The following PDLIM5 variants were observed in gnomAD, a reference collection of about 807,000 sequenced individuals.
The protein encoded by PDLIM5 is PDZ and LIM domain 5, also known as PDZ and LIM domain protein 5.
A neutral mutation model predicts 64.2 loss-of-function variants in PDLIM5; 34 were observed. The observed-to-expected ratio is 0.53, with a 90% confidence interval of 0.40 to 0.71. The LOEUF (loss-of-function observed/expected upper bound fraction) is 0.71, where lower values mean the gene tolerates loss of function less well. PDLIM5 is among the 30% of genes least tolerant of loss of function. The probability of loss-of-function intolerance (pLI) is 0.00; values close to 1 mark genes in which losing one functional copy is unlikely to be tolerated. For synonymous variants in PDLIM5, 253 were observed against 269.1 expected (o/e 0.94, Z 0.59); for missense variants, 683 against 733.6 (o/e 0.93, Z 0.80).
chr4:94,629,642 T>C (rs1027412004), intron 8 of PDLIM5, among the ~76,000 whole-genome samples: 2 of 152,210 alleles, frequency 1.3e-5, no homozygotes, highest in Admixed American at 1.3e-4. Flanking sequence ...TCTGCGTTCT[T>C]AAAGTTGAAA....
chr4:94,510,936 T>G (rs1203059425), intron 2 of PDLIM5, among the ~76,000 whole-genome samples: 1 of 152,212 alleles, frequency 6.6e-6, no homozygotes, highest in Non-Finnish European at 1.5e-5. Context: ...TGGAGAAGAA[T>G]ACAAATTTGT....
At chr4:94,593,046 A>G (rs2110333353) in intron 7 of PDLIM5, among the ~76,000 whole-genome samples, 1 of 152,104 alleles carries the variant, frequency 6.6e-6, no homozygotes, top group Non-Finnish European at 1.5e-5. Context: ...CTCATTTGAC[A>G]CTTGATTTTC....
chr4:94,494,642 G>A (rs1727208681), intron 2 of PDLIM5, among the ~76,000 whole-genome samples: 2 of 150,026 alleles, frequency 1.3e-5, no homozygotes, highest in East Asian at 2.0e-4. Flanking sequence ...GTTTTACCAT[G>A]TTGGCTAGGC....
chr4:94,553,331 A>G (rs1284487063), intron 3 of PDLIM5, among the ~76,000 whole-genome samples: 1 of 151,784 alleles, frequency 6.6e-6, no homozygotes, highest in Non-Finnish European at 1.5e-5. Flanking sequence ...CTGGTCTCGA[A>G]CTCCTGACCT....
chr4:94,659,591 A>G (rs987889087), intron 11 of PDLIM5, among the ~76,000 whole-genome samples: 5 of 148,660 alleles, frequency 3.4e-5, no homozygotes, highest in Admixed American at 2.7e-4. Flanking sequence ...GCAGTGGCGC[A>G]ATCTTGGCTC....
intron 3 of PDLIM5, among the ~76,000 whole-genome samples, chr4:94,552,123 A>G (rs1056699333): frequency 6.6e-6 from 1 of 151,854 alleles, no homozygotes; most frequent in East Asian, 1.9e-4. Flanking sequence ...CTGTGGATAT[A>G]TATACAAGTT....
intron 10 of PDLIM5, among the ~76,000 whole-genome samples, chr4:94,655,194 A>T (rs543707620): frequency 9.2e-5 from 14 of 152,134 alleles, no homozygotes; most frequent in African/African-American, 1.2e-4. Context: ...TGGAAAAATA[A>T]TTTTTTTTCC....
chr4:94,587,893 A>G (rs1736367681), intron 7 of PDLIM5: 1 of 897,992 alleles, frequency 1.1e-6, no homozygotes, highest in Admixed American at 6.2e-5. Flanking sequence ...CATAAAATAA[A>G]TTACAATATG....
At chr4:94,466,185 C>G (rs1265410442) in intron 2 of PDLIM5, among the ~76,000 whole-genome samples, 1 of 152,144 alleles carries the variant, frequency 6.6e-6, no homozygotes, top group Non-Finnish European at 1.5e-5. Context: ...CCAGGCTGAT[C>G]TGTAACTCCT....
At chr4:94,503,519 A>T (rs555619798) in intron 2 of PDLIM5, among the ~76,000 whole-genome samples, 3 of 152,198 alleles carry the variant, frequency 2.0e-5, no homozygotes, top group Non-Finnish European at 4.4e-5. Context: ...ACATTGGGAC[A>T]AGAAGAGCAG....
intron 8 of PDLIM5, among the ~76,000 whole-genome samples, chr4:94,628,450 A>T (rs1739873891): frequency 6.6e-6 from 1 of 152,218 alleles, no homozygotes; most frequent in Admixed American, 6.5e-5. Context: ...CCCAATTTTT[A>T]AATTTTACAA....
At position 94,606,740 on chromosome 4, in the gene PDLIM5, A is replaced by G. The variant is rs565821801; in HGVS notation, c.921-11264A>G. On this transcript the variant is annotated intron_variant, in intron 7 of 12. Coordinates refer to ENST00000317968, the MANE Select transcript of PDLIM5 (RefSeq NM_006457.5). ...CAAATTTTTTTCTGTAAAGGTCCAGATAGGAAATGTGCTAGATTTTTCAGG... is the reference window on the plus strand; with the variant it reads ...CAAATTTTTTTCTGTAAAGGTCCAGGTAGGAAATGTGCTAGATTTTTCAGG... Among the ~76,000 whole-genome samples, 33 of 152,304 alleles carry G rather than the reference A, an allele frequency of 2.2e-4. No individual in the cohort carries two copies. The South Asian group carries it at 6.8e-3, about 32-fold the overall frequency.
chr4:94,491,422 T>G (rs1195707686), intron 2 of PDLIM5, among the ~76,000 whole-genome samples: 1 of 152,112 alleles, frequency 6.6e-6, no homozygotes, highest in Non-Finnish European at 1.5e-5. Context: ...TTTCCTTTCC[T>G]TTTTGGACTG....
intron 9 of PDLIM5, among the ~76,000 whole-genome samples, chr4:94,641,898 A>C (rs1477849756): frequency 2.6e-5 from 4 of 152,204 alleles, no homozygotes; most frequent in Non-Finnish European, 5.9e-5. Context: ...CTCTAGACCC[A>C]TTCATCATTT....
At chr4:94,553,830 CAG>C (rs1733026611) in intron 3 of PDLIM5, among the ~76,000 whole-genome samples, 1 of 152,140 alleles carries the variant, frequency 6.6e-6, no homozygotes, top group Non-Finnish European at 1.5e-5. Context: ...CAGCTTTCCA[CAG>C]AGAGTATTAT....
chr4:94,569,879 A>G (rs1270993819), intron 3 of PDLIM5, among the ~76,000 whole-genome samples: 1 of 152,040 alleles, frequency 6.6e-6, no homozygotes, highest in Non-Finnish European at 1.5e-5. Context: ...TAATCATTTG[A>G]ACTTTAAAAT....
rs550397865 is a variant in PDLIM5 at position 94,618,319 on chromosome 4, A to G, written c.1108+128A>G. 13 of 554,548 alleles carry G rather than the reference A, an allele frequency of 2.3e-5. No homozygotes were observed. In the South Asian group the frequency reaches 3.2e-4, roughly 14 times the overall value. The allele number at this position is 554,548 out of a possible 1,614,324, so 34.4% of individuals were successfully genotyped here. On this transcript the variant is annotated intron_variant, in intron 8 of 12. Coordinates refer to ENST00000317968, the MANE Select transcript of PDLIM5 (RefSeq NM_006457.5). ...AATAACCTAAGATTTAGAAAGGACT[A>G]TCAGGATTAAACTATAGCTATTTTT...
chr4:94,577,399 G>A (rs1280391486), intron 5 of PDLIM5: 7 of 456,300 alleles, frequency 1.5e-5, no homozygotes, highest in Non-Finnish European at 2.2e-5. Context: ...GAGAGCAGGA[G>A]CTCTAGAAGA....
intron 9 of PDLIM5, among the ~76,000 whole-genome samples, chr4:94,649,346 T>C (rs1560765068): frequency 6.6e-6 from 1 of 152,188 alleles, no homozygotes; most frequent in Non-Finnish European, 1.5e-5. Context: ...AGTGATACCC[T>C]GTCATGGCCA....
Sources: gnomAD v4.1 joint callset for allele counts (sites outside exome capture counted in the v4.1 genomes callset) on GRCh38, gnomAD v4.1.1 for gene constraint, MANE v1.5 for transcripts, NCBI Gene and HGNC (gene_info 2026-07-23, HGNC 2026-07-21) for gene names.